SCN4A: variants seen among roughly 807,000 people sequenced by gnomAD.
SCN4A encodes the protein sodium channel protein type 4 subunit alpha.
Under a neutral mutation model 162.0 loss-of-function variants are expected in SCN4A, and 83 were observed. The observed-to-expected ratio is 0.51, with a 90% confidence interval of 0.43 to 0.61. The LOEUF is 0.61. Ranked by LOEUF, SCN4A falls within the 20% of genes least tolerant of loss-of-function variation. SCN4A has a pLI of 0.00. For missense variants in SCN4A, 2,196 were observed against 2,462.5 expected, an observed-to-expected ratio of 0.89 and a Z score of 2.29; for synonymous variants, 944 against 985.1, an observed-to-expected ratio of 0.96 and a Z score of 0.78.
rs763133221 is a variant in SCN4A at position 63,971,834 on chromosome 17, T to A, written c.499A>T (p.Ile167Phe). 3.2e-5 allele frequency: 51 copies of A among 1,613,476 alleles called. 1 individual carries two copies. In the South Asian group the frequency reaches 5.4e-4, roughly 17 times the overall value. ...SKNVEYTFTG[I>F]YTFESLIKIL... is the part of the protein sequence containing the mutation. The stretch of plus-strand genomic sequence containing the variant: ...TTGATGAGGGACTCAAAGGTGTAGA[T>A]CCCTGTGAAGGTGTACCTGGGGGGG... Residue 167 changes from isoleucine to phenylalanine, a missense_variant, in exon 4 of 24, where the codon ATC (isoleucine) becomes TTC (phenylalanine). Transcript: ENST00000435607.
At chr17:63,961,536 C>T (rs1390804525) in intron 10 of SCN4A, 105 bp from the exon 11 acceptor site, 3 of 796,060 alleles carry the variant, frequency 3.8e-6, no homozygotes, top group Non-Finnish European at 6.4e-6. Flanking sequence ...CCCCTTAGCA[C>T]TCCACATCTC....
At chr17:63,971,349 C>A in intron 4 of SCN4A, 96 bp from the exon 5 acceptor site, 1 of 741,490 alleles carries the variant, frequency 1.3e-6, no homozygotes, top group South Asian at 1.5e-5. Flanking sequence ...TGAGGATTCC[C>A]AAGAAATTGG....
At chr17:63,946,748 C>G (rs908131418) in intron 18 of SCN4A, among the ~76,000 whole-genome samples, 1 of 152,178 alleles carries the variant, frequency 6.6e-6, no homozygotes, top group Non-Finnish European at 1.5e-5. Context: ...TCTTCCCTGG[C>G]CGTGGGGCCC....
intron 10 of SCN4A, 134 bp from the exon 11 acceptor site, chr17:63,961,565 A>G (rs1454486993): frequency 1.5e-6 from 1 of 653,252 alleles, no homozygotes; most frequent in Non-Finnish European, 2.7e-6. Flanking sequence ...AGCAAGGCCT[A>G]TTCCAAGTTC....
At chr17:63,964,362 C>T (rs879752553) in intron 9 of SCN4A, 106 bp downstream of exon 9, 5 of 982,058 alleles carry the variant, frequency 5.1e-6, no homozygotes, top group Non-Finnish European at 7.8e-6. Flanking sequence ...AACCCCTACC[C>T]CTGTACCCTC....
In SCN4A at chr17:63,941,355, A is replaced by T. The variant is rs1470221864; in HGVS notation, c.4927T>A (p.Phe1643Ile). 1 of 1,613,880 alleles carries T rather than the reference A, an allele frequency of 6.2e-7. No homozygotes were observed. Among genetic ancestry groups the T allele is most frequent in the Non-Finnish European group, 8.5e-7 (1 of 1,179,876 alleles). Reference sequence around the variant, plus strand: ...AGCGGTTCCTGCAGGGTGTCCACGAAGTCTGAGAGGCGGCTGTAGGCGATG... The same window carrying T: ...AGCGGTTCCTGCAGGGTGTCCACGATGTCTGAGAGGCGGCTGTAGGCGATG... ...QFIAYSRLSD[F>I]VDTLQEPLRI... The change falls in exon 24 of 24, where the codon TTC (phenylalanine) becomes ATC (isoleucine). Residue 1643 changes from phenylalanine (F) to isoleucine (I), a missense_variant. Coordinates refer to ENST00000435607, the MANE Select transcript of SCN4A (RefSeq NM_000334.4). This position sits in a 1 kb window ranked among gnomAD's most constrained non-coding sequence, Gnocchi z 6.2.
chr17:63,971,128 G>C, intron 5 of SCN4A, 34 bp downstream of exon 5: 1 of 1,418,158 alleles, frequency 7.1e-7, no homozygotes, highest in South Asian at 1.2e-5. Flanking sequence ...GGGTCTCTCA[G>C]CTCAGGCAGA....
At position 63,966,466 on chromosome 17, in the gene SCN4A, C is replaced by T. The variant is rs533321924; in HGVS notation, c.1100+15G>A. 6.8e-5 allele frequency: 109 copies of T among 1,612,954 alleles called. No homozygotes were observed. The East Asian group carries it at 2.3e-3, about 34-fold the overall frequency. ...CCCCTGGGGTGCCTTTTCTGCATCC[C>T]TTAGCATCACTCACCCAGCATCACT... On this transcript the variant is annotated intron_variant, in intron 7 of 23. Coordinates refer to ENST00000435607, the MANE Select transcript of SCN4A (RefSeq NM_000334.4).
chr17:63,947,109 T>C lies in SCN4A; in HGVS notation c.3377A>G (p.Lys1126Arg), dbSNP rs1157662598. ...CAGGGCCCGCAGTGTCCGCAGGGAT[T>C]TGATGGGTCCCAGCTCCGAGTAGCC... is the stretch of plus-strand genomic sequence containing the variant. ...WLGYSELGPI[K>R]SLRTLRALRP... is the part of the protein sequence containing the mutation. The change falls in exon 18 of 24, where the codon AAA becomes AGA. Residue 1126 changes from lysine to arginine, a missense_variant. Transcript: ENST00000435607. 2 of 1,613,662 alleles carry C rather than the reference T, an allele frequency of 1.2e-6. No individual in the cohort carries two copies. The highest frequency in any genetic ancestry group is 3.3e-5 in the Admixed American group (2 of 60,004).
chr17:63,962,447 C>T (rs747641129), intron 10 of SCN4A, among the ~76,000 whole-genome samples: 16 of 152,162 alleles, frequency 1.1e-4, no homozygotes, highest in Non-Finnish European at 2.2e-4. Context: ...TCCTCCTGGC[C>T]TTGGTGGGCT....
Position 63,968,158 on chromosome 17 carries a change from A to G in SCN4A, c.901T>C (p.Tyr301His). ...TTGCCATACCATGTGTCATTGCCGT[A>G]CCACGTGTCATTGCTGTACCACGTG... The part of the protein sequence containing the change: ...NTTWYSNDTW[Y>H]GNDTWYGNEM... The change falls in exon 6 of 24, where the codon TAC becomes CAC. Residue 301 changes from tyrosine (Y) to histidine (H), a missense_variant. By Grantham distance (83) the Tyr-to-His change is moderately conservative. Coordinates refer to ENST00000435607, the MANE Select transcript of SCN4A (RefSeq NM_000334.4). 6.2e-7 allele frequency: 1 copy of G among 1,613,924 alleles called. No individual in the cohort carries two copies. The highest frequency in any genetic ancestry group is 8.5e-7 in the Non-Finnish European group (1 of 1,179,874).
Position 63,945,247 on chromosome 17 carries a change from C to T in SCN4A, c.3720+113G>A. ...CCTGGGGATCCCACAGCATTGGAAG[C>T]AGGGTGGGCGGTCCCCTAACCAGGA... is the stretch of plus-strand genomic sequence containing the variant. On this transcript the variant is annotated intron_variant, in intron 19 of 23. Coordinates refer to ENST00000435607, the MANE Select transcript of SCN4A (RefSeq NM_000334.4). The surrounding 1 kb of genome is among the most constrained non-coding windows in gnomAD (Gnocchi z 4.4). 2 of 1,043,304 alleles carry T rather than the reference C, an allele frequency of 1.9e-6. No individual in the cohort carries two copies. Among genetic ancestry groups the T allele is most frequent in the East Asian group, 2.5e-5 (1 of 39,876 alleles). 64.6% of individuals were successfully genotyped at this position (1,043,304 alleles called of 1,614,324 possible). A position where few individuals can be genotyped will look rare whatever the true frequency, so the allele number is the denominator to read the frequency against.
intron 13 of SCN4A, among the ~76,000 whole-genome samples, chr17:63,955,606 G>A (rs1440892901): frequency 6.6e-6 from 1 of 152,122 alleles, no homozygotes; most frequent in Admixed American, 6.6e-5. Flanking sequence ...TCCACACATA[G>A]AAACAGCAAC....
Position 63,968,156 on chromosome 17 carries a change from G to A in SCN4A, c.903C>T (p.Tyr301=), listed in dbSNP as rs201411232. ...NTTWYSNDTW[Y]GNDTWYGNEM... ...CATTGCCATACCATGTGTCATTGCCGTACCACGTGTCATTGCTGTACCACG... is the reference window on the plus strand; with the variant it reads ...CATTGCCATACCATGTGTCATTGCCATACCACGTGTCATTGCTGTACCACG... Residue 301 remains tyrosine (Y), a synonymous_variant, in exon 6 of 24, where the codon TAC becomes TAT. Coordinates refer to ENST00000435607, the MANE Select transcript of SCN4A (RefSeq NM_000334.4). 85 of 1,613,904 alleles carry A rather than the reference G, an allele frequency of 5.3e-5. No homozygotes were observed. The Admixed American group carries it at 5.3e-4, about 10-fold the overall frequency.
intron 17 of SCN4A, 71 bp from the exon 18 acceptor site, chr17:63,947,238 G>A (rs1218878682): frequency 1.9e-6 from 3 of 1,588,528 alleles, no homozygotes; most frequent in African/African-American, 2.7e-5. Context: ...GGCCACGGGG[G>A]TCTTCCTGGA....
rs1482396086 is a variant in SCN4A, at chr17:63,951,447, A to C, written c.2830T>G (p.Phe944Val). The change falls in exon 14 of 24, where the codon TTC becomes GTC. Residue 944 changes from phenylalanine (F) to valine (V), a missense_variant. Coordinates refer to ENST00000435607, the MANE Select transcript of SCN4A (RefSeq NM_000334.4). The surrounding 1 kb of genome is among the most constrained non-coding windows in gnomAD (Gnocchi z 4.5). ...ACCTTGCTATCCTCAGGCTCTGAGA[A>C]AGTGTCGGTTTCCTCCTCGGTGGGC... ...EMPTEEETDTFSEPEDSKKPP... is the reference protein window; with the variant it reads ...EMPTEEETDTVSEPEDSKKPP... 1.9e-6 allele frequency: 3 copies of C among 1,604,384 alleles called. No homozygotes were observed. The African/African-American group carries it at 4.0e-5, about 21-fold the overall frequency.
intron 13 of SCN4A, among the ~76,000 whole-genome samples, chr17:63,953,685 G>GA (rs55829860): frequency 5.1e-4 from 66 of 130,316 alleles, no homozygotes; most frequent in Middle Eastern, 3.7e-3. Flanking sequence ...CTGCCTTGAA[G>GA]AAAAAAAAAA....
At position 63,951,519 on chromosome 17, in the gene SCN4A, G is replaced by A. The variant is rs766047168; in HGVS notation, c.2758C>T (p.Leu920=). ...GAGGCGATGGGCACCTGTATGGTCA[G>A]GTAGGGGTTGTTGATGAAGTTAAGG... The part of the protein sequence containing the change: ...DHLNFINNPY[L]TIQVPIASEE... The change falls in exon 14 of 24, where the codon CTG becomes TTG. Residue 920 remains leucine, a synonymous_variant. Coordinates refer to ENST00000435607, the MANE Select transcript of SCN4A (RefSeq NM_000334.4). This position sits in a 1 kb window ranked among gnomAD's most constrained non-coding sequence, Gnocchi z 4.5. 1 of 1,614,006 alleles carries A rather than the reference G, an allele frequency of 6.2e-7. No homozygotes were observed. Among genetic ancestry groups the A allele is most frequent in the Non-Finnish European group, 8.5e-7 (1 of 1,179,884 alleles).
At chr17:63,964,391 A>T (rs1909366602) in intron 9 of SCN4A, 77 bp downstream of exon 9, 13 of 1,350,766 alleles carry the variant, frequency 9.6e-6, no homozygotes, top group Non-Finnish European at 6.3e-6. Context: ...TCGGCCCCCC[A>T]GGGAGAAGCC....
Sources: allele counts gnomAD v4.1 joint callset (sites outside exome capture counted in the v4.1 genomes callset), GRCh38; gene constraint gnomAD v4.1.1; non-coding constraint Gnocchi (gnomAD v3.1); transcripts MANE v1.5; gene names NCBI Gene and HGNC (gene_info 2026-07-23, HGNC 2026-07-21).